CRY1: variants seen among roughly 807,000 people sequenced by gnomAD.
CRY1 encodes cryptochrome circadian regulator 1.
CRY1 carries 45 observed loss-of-function variants against 76.0 expected under a neutral mutation model. The observed-to-expected ratio is 0.59, with a 90% CI of 0.47 to 0.76. CRY1 has a LOEUF of 0.76. CRY1 is among the 30% of genes least tolerant of loss of function. The pLI is 0.00. For missense variants in CRY1, 587 were observed against 716.4 expected (o/e 0.82, Z 2.06); for synonymous variants, 248 against 244.0 (o/e 1.02, Z -0.15).
rs1483973976 is a variant in CRY1, at chr12:106,999,581, G to A, written c.1107C>T (p.Asp369=). Residue 369 remains aspartate (D), a synonymous_variant, in exon 7 of 13, where the codon GAC becomes GAT. Transcript: ENST00000008527. Reference sequence around the variant, plus strand: ...TTCCTTCTTCCCAACTAATCCACAGGTCCCCTCGTGTCAGGAAGCAAGCAA... The same window carrying A: ...TTCCTTCTTCCCAACTAATCCACAGATCCCCTCGTGTCAGGAAGCAAGCAA... The part of the protein sequence containing the change: ...HAVACFLTRG[D]LWISWEEGMK... 1 of 1,613,866 alleles carries A rather than the reference G, an allele frequency of 6.2e-7. No homozygotes were observed. The highest frequency in any genetic ancestry group is 8.5e-7 in the Non-Finnish European group (1 of 1,179,930).
rs754563823 is a variant in CRY1, at chr12:107,001,851, T to C, written c.508A>G (p.Ile170Val). 10 of 1,595,636 alleles carry C rather than the reference T, an allele frequency of 6.3e-6. No individual in the cohort carries two copies. Among genetic ancestry groups the C allele is most frequent in the Middle Eastern group, 3.3e-4 (2 of 6,018 alleles). Residue 170 changes from isoleucine to valine, a missense_variant, in exon 4 of 13, where the codon ATT becomes GTT. Coordinates refer to ENST00000008527, the MANE Select transcript of CRY1 (RefSeq NM_004075.5). ...CACTTTTCTATCACTTCTGAAGTAA[T>C]TGTCTCTACTGGTATCTCTAGTGGT... is the stretch of plus-strand genomic sequence containing the variant. ...MEPLEIPVET[I>V]TSEVIEKCTT...
chr12:107,069,613 A>AAAATATATATAT (rs1953158254), intron 1 of CRY1, among the ~76,000 whole-genome samples: 1 of 75,326 alleles, frequency 1.3e-5, no homozygotes, highest in South Asian at 4.5e-4. Flanking sequence ...TATATATATA[A>AAAATATATATAT]AAAGTATATA....
rs115331991 is a variant in CRY1 at position 107,078,954 on chromosome 12, T to A, written c.158+13850A>T. Among the ~76,000 whole-genome samples, 570 of 152,272 alleles carry A rather than the reference T, an allele frequency of 3.7e-3. 3 individuals are homozygous for A. The highest frequency in any genetic ancestry group is 0.013 in the African/African-American group (550 of 41,568). On this transcript the variant is annotated intron_variant, in intron 1 of 12. Coordinates refer to ENST00000008527, the MANE Select transcript of CRY1 (RefSeq NM_004075.5). ...CCTTTCCCCTTGTTTAAGCCTGTAT[T>A]ATCTTTCACTTGAACTGTTGATAAA...
At chr12:107,076,939 C>T (rs1953261959) in intron 1 of CRY1, among the ~76,000 whole-genome samples, 1 of 152,184 alleles carries the variant, frequency 6.6e-6, no homozygotes, top group Non-Finnish European at 1.5e-5. Context: ...TTGCCTTCCA[C>T]CATGATTGTA....
intron 1 of CRY1, among the ~76,000 whole-genome samples, chr12:107,040,734 A>C (rs565587996): frequency 1.3e-5 from 2 of 152,306 alleles, no homozygotes; most frequent in Admixed American, 1.3e-4. Context: ...GGAAGAGTAG[A>C]TAGGAACAAT....
At chr12:106,997,796 T>C (rs1952250341) in intron 8 of CRY1, 106 bp from the exon 9 acceptor site, 1 of 1,525,308 alleles carries the variant, frequency 6.6e-7, no homozygotes, top group Non-Finnish European at 8.9e-7. Flanking sequence ...AATGATCTGT[T>C]TACCCTTCTC....
chr12:107,022,801 G>A (rs536267256), intron 1 of CRY1, among the ~76,000 whole-genome samples: 4 of 150,480 alleles, frequency 2.7e-5, no homozygotes, highest in African/African-American at 9.8e-5. Context: ...GCCAAATTAT[G>A]TGGTTATTAA....
At chr12:107,087,286 G>A (rs539514157) in intron 1 of CRY1, among the ~76,000 whole-genome samples, 1 of 152,010 alleles carries the variant, frequency 6.6e-6, no homozygotes, top group Admixed American at 6.6e-5. Flanking sequence ...GAAGTGGAAA[G>A]ATTAAAAGAA....
At chr12:107,046,900 TA>T (rs1449013853) in intron 1 of CRY1, among the ~76,000 whole-genome samples, 1 of 152,182 alleles carries the variant, frequency 6.6e-6, no homozygotes, top group African/African-American at 2.4e-5. Flanking sequence ...TTATTCAATC[TA>T]AAAGGATAGA....
chr12:107,022,808 T>C (rs749699392), intron 1 of CRY1, among the ~76,000 whole-genome samples: 1 of 151,246 alleles, frequency 6.6e-6, no homozygotes, highest in African/African-American at 2.4e-5. Flanking sequence ...TATGTGGTTA[T>C]TAATTCCCTG....
chr12:107,091,084 G>A (rs1953466561), intron 1 of CRY1, among the ~76,000 whole-genome samples: 1 of 151,536 alleles, frequency 6.6e-6, no homozygotes, highest in Non-Finnish European at 1.5e-5. Flanking sequence ...CTGTCACTCA[G>A]GCTGGAGTGC....
At position 106,993,547 on chromosome 12, in the gene CRY1, TAGG is replaced by T. The variant is rs541506165; in HGVS notation, c.1586-514_1586-512del. On this transcript the variant is annotated intron_variant, in intron 10 of 12. Transcript: ENST00000008527. ...ACCCTTCTAAAAACAAACACTATTA[TAGG>T]AGAATAGGTTGGCTAGAACAGAGAA... 2.0e-4 allele frequency among the ~76,000 whole-genome samples: 30 copies of T among 151,936 alleles called. 1 individual carries two copies. The East Asian group carries it at 5.3e-3, about 27-fold the overall frequency.
At chr12:107,069,319 G>A (rs1372763660) in intron 1 of CRY1, among the ~76,000 whole-genome samples, 1 of 150,676 alleles carries the variant, frequency 6.6e-6, no homozygotes, top group Non-Finnish European at 1.5e-5. Context: ...GCACCTCCCA[G>A]GTTCACACCA....
At chr12:107,013,137 G>A (rs1952463497) in intron 2 of CRY1, among the ~76,000 whole-genome samples, 1 of 152,208 alleles carries the variant, frequency 6.6e-6, no homozygotes, top group Non-Finnish European at 1.5e-5. Flanking sequence ...GTTGTACTGT[G>A]GGTAAAATGC....
intron 10 of CRY1, among the ~76,000 whole-genome samples, chr12:106,996,704 T>C (rs1029708716): frequency 6.6e-6 from 1 of 152,246 alleles, no homozygotes; most frequent in Admixed American, 6.5e-5. Context: ...ATTACTGAGC[T>C]TCATGCTATT....
At chr12:107,012,975 A>G (rs1952461685) in intron 2 of CRY1, among the ~76,000 whole-genome samples, 1 of 152,236 alleles carries the variant, frequency 6.6e-6, no homozygotes, top group African/African-American at 2.4e-5. Context: ...CTTTCTATGG[A>G]TGAGCAAGAA....
chr12:107,069,771 T>G (rs1398294454), intron 1 of CRY1, among the ~76,000 whole-genome samples: 1 of 147,156 alleles, frequency 6.8e-6, no homozygotes, highest in Non-Finnish European at 1.5e-5. Context: ...TATACATATA[T>G]ATACTTTAAA....
chr12:106,997,334 TCCC>T lies in CRY1; in HGVS notation c.1542_1544del (p.Met514_Gly515delinsIle). 6.2e-7 allele frequency: 1 copy of T among 1,614,004 alleles called. No homozygotes were observed. Among genetic ancestry groups the T allele is most frequent in the Non-Finnish European group, 8.5e-7 (1 of 1,179,936 alleles). ...AACCTGGGATATTTTCTGCAGAATATCCCATGAAGCCTCCATTCCCATTAGGAT... is the reference window on the plus strand; with the variant it reads ...AACCTGGGATATTTTCTGCAGAATATATGAAGCCTCCATTCCCATTAGGAT... On this transcript the variant is annotated inframe_deletion, in exon 10 of 13. Transcript: ENST00000008527.
chr12:107,008,781 G>A (rs923059656), intron 2 of CRY1, among the ~76,000 whole-genome samples: 1 of 152,162 alleles, frequency 6.6e-6, no homozygotes, highest in African/African-American at 2.4e-5. Flanking sequence ...AATCATGGGG[G>A]TGGGTTTCGC....
Sources: allele counts gnomAD v4.1 joint callset (sites outside exome capture counted in the v4.1 genomes callset), GRCh38; gene constraint gnomAD v4.1.1; transcripts MANE v1.5; gene names NCBI Gene and HGNC (gene_info 2026-07-23, HGNC 2026-07-21).